Variants in CCNY observed in about 807,000 individuals in gnomAD.
CCNY encodes the protein cyclin-Y.
Under a neutral mutation model 42.8 loss-of-function variants are expected in CCNY, and 19 were observed. The observed-to-expected ratio is 0.44, with a 90% CI of 0.31 to 0.65. The LOEUF is 0.65. Among genes scored for constraint, CCNY ranks in the 30% least tolerant of loss-of-function variants. CCNY has a pLI of 0.07. For missense variants in CCNY, 370 were observed against 437.3 expected (o/e 0.85, Z 1.37); for synonymous variants, 165 against 162.7 (o/e 1.01, Z -0.11).
chr10:35,524,276 C>T (rs1015296874), intron 4 of CCNY, among the ~76,000 whole-genome samples: 1 of 152,136 alleles, frequency 6.6e-6, no homozygotes, highest in Non-Finnish European at 1.5e-5. Context: ...CTCTTTTATA[C>T]CCCAGTTACA....
intron 3 of CCNY, among the ~76,000 whole-genome samples, chr10:35,270,176 C>T (rs1206590660): frequency 6.6e-6 from 1 of 152,104 alleles, no homozygotes; most frequent in Non-Finnish European, 1.5e-5. Context: ...TCCAATTGCC[C>T]TTAATGACTC....
chr10:35,303,575 C>T (rs184048769), intron 3 of CCNY, among the ~76,000 whole-genome samples: 7 of 150,506 alleles, frequency 4.7e-5, no homozygotes, highest in African/African-American at 1.2e-4. Context: ...GTCGGGAGTT[C>T]GAGACCAGCC....
At chr10:35,391,642 C>A (rs1837416315) in intron 1 of CCNY, among the ~76,000 whole-genome samples, 1 of 152,150 alleles carries the variant, frequency 6.6e-6, no homozygotes, top group Admixed American at 6.5e-5. Context: ...TTTAACATTA[C>A]CCTAGTTTTT....
chr10:35,484,389 T>A (rs1209375296), intron 2 of CCNY, among the ~76,000 whole-genome samples: 1 of 152,242 alleles, frequency 6.6e-6, no homozygotes. Context: ...TAGTGCTGAT[T>A]TAATGTTATT....
intron 3 of CCNY, among the ~76,000 whole-genome samples, chr10:35,257,377 G>C (rs879272255): frequency 6.7e-6 from 1 of 149,644 alleles, no homozygotes; most frequent in African/African-American, 2.5e-5. Context: ...TCCTGGGCTC[G>C]GGTGATCCTC....
chr10:35,270,728 C>CTTTTTTTTTTT, intron 3 of CCNY, among the ~76,000 whole-genome samples: 1 of 124,746 alleles, frequency 8.0e-6, no homozygotes, highest in Non-Finnish European at 1.6e-5. Context: ...TTTTTTTTTT[C>CTTTTTTTTTTT]TTTTTTTTTT....
At chr10:35,311,947 C>T (rs776223937) in intron 3 of CCNY, among the ~76,000 whole-genome samples, 2 of 152,236 alleles carry the variant, frequency 1.3e-5, no homozygotes, top group African/African-American at 4.8e-5. Flanking sequence ...GATTATGCCA[C>T]TGCACTCCAG....
chr10:35,311,683 C>G (rs911504457), intron 3 of CCNY, among the ~76,000 whole-genome samples: 1 of 139,550 alleles, frequency 7.2e-6, no homozygotes, highest in Non-Finnish European at 1.6e-5. Context: ...GTCCCCCCCA[C>G]CCCCCCAAAA....
intron 3 of CCNY, among the ~76,000 whole-genome samples, chr10:35,272,470 T>C (rs1236094689): frequency 6.6e-6 from 1 of 152,192 alleles, no homozygotes; most frequent in African/African-American, 2.4e-5. Context: ...ACCCTTTGTG[T>C]CCATGTGTTC....
intron 1 of CCNY, among the ~76,000 whole-genome samples, chr10:35,371,265 A>T (rs954612159): frequency 6.6e-6 from 1 of 152,226 alleles, no homozygotes; most frequent in Non-Finnish European, 1.5e-5. Flanking sequence ...ACATTGTATC[A>T]GCTGATACTT....
chr10:35,542,707 G>A (rs1463254194), intron 7 of CCNY, among the ~76,000 whole-genome samples: 1 of 152,214 alleles, frequency 6.6e-6, no homozygotes, highest in Non-Finnish European at 1.5e-5. Flanking sequence ...CCTTCTCAGA[G>A]TCTTGTGCTC....
intron 1 of CCNY, among the ~76,000 whole-genome samples, chr10:35,362,983 G>A (rs1356130880): frequency 1.3e-5 from 2 of 148,270 alleles, no homozygotes; most frequent in African/African-American, 5.0e-5. Flanking sequence ...TCCCAGACAG[G>A]GCGGCGGCCG....
At chr10:35,368,436 T>G (rs184514188) in intron 1 of CCNY, among the ~76,000 whole-genome samples, 81 of 152,340 alleles carry the variant, frequency 5.3e-4, no homozygotes, top group Non-Finnish European at 1.0e-3. Context: ...AAAATTAAAC[T>G]TTTTTGCCAT....
chr10:35,448,350 C>CCAGCA (rs1251524801), intron 1 of CCNY, among the ~76,000 whole-genome samples: 1 of 152,100 alleles, frequency 6.6e-6, no homozygotes, highest in African/African-American at 2.4e-5. Context: ...AATTCTGGAG[C>CCAGCA]CAGGCTGCCT....
intron 7 of CCNY, among the ~76,000 whole-genome samples, chr10:35,540,564 CT>C (rs561129843): frequency 5.5e-4 from 79 of 144,552 alleles, no homozygotes; most frequent in Admixed American, 6.9e-4. Flanking sequence ...ATTCCTTCTA[CT>C]TTTTTTTTTT....
chr10:35,375,270 T>C (rs1837027513), intron 1 of CCNY, among the ~76,000 whole-genome samples: 1 of 152,188 alleles, frequency 6.6e-6, no homozygotes, highest in Admixed American at 6.5e-5. Flanking sequence ...GGAGAATCTA[T>C]TTTCTTGCCT....
At chr10:35,270,046 A>C (rs1835144447) in intron 3 of CCNY, among the ~76,000 whole-genome samples, 1 of 152,164 alleles carries the variant, frequency 6.6e-6, no homozygotes, top group African/African-American at 2.4e-5. Context: ...TTTCCACCTA[A>C]GACCTCATCA....
intron 3 of CCNY, among the ~76,000 whole-genome samples, chr10:35,313,152 C>T (rs1031912949): frequency 8.5e-5 from 13 of 152,068 alleles, no homozygotes; most frequent in African/African-American, 1.7e-4. Context: ...GAAATGGCTG[C>T]GGCTGGCTCA....
intron 2 of CCNY, among the ~76,000 whole-genome samples, chr10:35,488,589 C>T (rs936843694): frequency 6.6e-6 from 1 of 152,204 alleles, no homozygotes; most frequent in South Asian, 2.1e-4. Context: ...CCTAAGCTTA[C>T]ACCAGTGATT....
Sources: allele counts gnomAD v4.1 joint callset (sites outside exome capture counted in the v4.1 genomes callset), GRCh38; gene constraint gnomAD v4.1.1; transcripts MANE v1.5; gene names NCBI Gene and HGNC (gene_info 2026-07-23, HGNC 2026-07-21).